Variants in ENOX2 observed in about 807,000 individuals in gnomAD.
ENOX2 encodes the protein ecto-NOX disulfide-thiol exchanger 2.
In ENOX2, 36 loss-of-function variants were observed where a neutral mutation model predicts 45.0. That is an observed-to-expected ratio of 0.80 (90% CI 0.61 to 1.06). The LOEUF (loss-of-function observed/expected upper bound fraction) is 1.06, where lower values mean the gene tolerates loss of function less well. ENOX2 is among the 50% of genes least tolerant of loss of function. The probability of loss-of-function intolerance (pLI) is 0.00; values close to 1 mark genes in which losing one functional copy is unlikely to be tolerated. For missense variants in ENOX2, 423 were observed against 462.5 expected (o/e 0.91, Z 0.78); for synonymous variants, 174 against 152.3 (o/e 1.14, Z -1.05).
chrX:130,776,800 C>A (rs1012035229), intron 3 of ENOX2, among the ~76,000 whole-genome samples: 1 of 111,597 alleles, frequency 9.0e-6, no homozygotes, highest in African/African-American at 3.3e-5. Context: ...TGTCCCTTAC[C>A]AAGTAATCAG....
chrX:130,845,685 G>A (rs899372497), intron 2 of ENOX2, among the ~76,000 whole-genome samples: 5 of 111,650 alleles, frequency 4.5e-5, no homozygotes, highest in Admixed American at 2.8e-4. Flanking sequence ...GGCTGGTCTC[G>A]AACTCCCGAC....
chrX:130,754,866 C>T (rs1461025390), intron 3 of ENOX2, among the ~76,000 whole-genome samples: 2 of 111,525 alleles, frequency 1.8e-5, no homozygotes, highest in Non-Finnish European at 3.8e-5. Context: ...ATGTAACAAA[C>T]CTGTACCTGT....
intron 11 of ENOX2, 79 bp downstream of exon 11, chrX:130,637,150 T>C: frequency 1.3e-6 from 1 of 786,675 alleles, no homozygotes. Context: ...GATATTCAAT[T>C]TGATTGCAGG....
chrX:130,875,392 A>G (rs1603376935), intron 2 of ENOX2, among the ~76,000 whole-genome samples: 2 of 111,407 alleles, frequency 1.8e-5, no homozygotes, highest in South Asian at 7.6e-4. Context: ...CTGAGATCAA[A>G]AGAGTGTGGT....
At chrX:130,755,015 T>C (rs181000139) in intron 3 of ENOX2, among the ~76,000 whole-genome samples, 367 of 112,175 alleles carry the variant, frequency 3.3e-3, no homozygotes, top group African/African-American at 0.011. Flanking sequence ...CTGCATCACA[T>C]AAAATATAGA....
intron 3 of ENOX2, among the ~76,000 whole-genome samples, chrX:130,773,519 C>T (rs919742013): frequency 3.6e-5 from 4 of 112,030 alleles, no homozygotes; most frequent in African/African-American, 9.7e-5. Context: ...TTGGTCATAG[C>T]GGTTGGCATA....
At chrX:130,750,357 G>A in intron 3 of ENOX2, among the ~76,000 whole-genome samples, 1 of 110,289 alleles carries the variant, frequency 9.1e-6, no homozygotes, top group South Asian at 4.0e-4. Context: ...CTCTGTCTCT[G>A]TGTTACCCAT....
chrX:130,880,662 G>T (rs2078793811), intron 2 of ENOX2, among the ~76,000 whole-genome samples: 1 of 111,976 alleles, frequency 8.9e-6, no homozygotes, highest in Non-Finnish European at 1.9e-5. Flanking sequence ...TAGTGAAAGG[G>T]ACTATGAGAG....
intron 4 of ENOX2, among the ~76,000 whole-genome samples, chrX:130,691,994 A>G (rs1312454651): frequency 2.6e-5 from 3 of 113,422 alleles, no homozygotes; most frequent in Non-Finnish European, 5.6e-5. Context: ...TTCATTGCAT[A>G]TGGCTAAAGC....
chrX:130,739,224 C>T (rs1290024885), intron 3 of ENOX2, among the ~76,000 whole-genome samples: 4 of 112,502 alleles, frequency 3.6e-5, no homozygotes, highest in Non-Finnish European at 7.5e-5. Context: ...TCTCCTGTGA[C>T]GGTGGGCAGT....
chrX:130,842,701 T>C lies in ENOX2; in HGVS notation c.-183+58983A>G, dbSNP rs201510755. On this transcript the variant is annotated intron_variant, in intron 2 of 14. Coordinates refer to ENST00000394363, the MANE Select transcript of ENOX2 (RefSeq NM_006375.4). ...TTATTCCTACTTTCTTGAAACTCTC[T>C]CTTCCCTTGCCTTCTGTGATACCCC... 2.7e-5 allele frequency among the ~76,000 whole-genome samples: 3 copies of C among 112,047 alleles called. No individual in the cohort carries two copies. The East Asian group carries it at 8.4e-4, about 31-fold the overall frequency.
intron 6 of ENOX2, among the ~76,000 whole-genome samples, chrX:130,676,389 T>C (rs1366820088): frequency 1.8e-5 from 2 of 111,615 alleles, no homozygotes; most frequent in East Asian, 5.6e-4. Flanking sequence ...AGGAGATTGC[T>C]AGCACTTGGG....
chrX:130,675,432 G>A (rs1325192914), intron 6 of ENOX2, among the ~76,000 whole-genome samples: 1 of 112,545 alleles, frequency 8.9e-6, no homozygotes, highest in East Asian at 2.8e-4. Context: ...TTTCTTGTTG[G>A]ATACAATGCA....
chrX:130,753,416 T>G (rs1249643648), intron 3 of ENOX2, among the ~76,000 whole-genome samples: 1 of 111,465 alleles, frequency 9.0e-6, no homozygotes, highest in Non-Finnish European at 1.9e-5. Flanking sequence ...ATTAACCAGT[T>G]GATCTCTATA....
At chrX:130,704,418 C>T (rs1007566414) in intron 3 of ENOX2, among the ~76,000 whole-genome samples, 6 of 111,686 alleles carry the variant, frequency 5.4e-5, no homozygotes, top group Admixed American at 9.5e-5. Flanking sequence ...TTTATAAGCA[C>T]GTACATGTAC....
Position 130,750,182 on chromosome X carries a change from T to C in ENOX2, c.-39+33365A>G, listed in dbSNP as rs1393219059. The stretch of plus-strand genomic sequence containing the variant: ...GTGTCCCTGTCTAGTTTTCAGTCTG[T>C]CTGTCTTTTGGTTGGTCTGCCTGGT... On this transcript the variant is annotated intron_variant, in intron 3 of 14. Coordinates refer to ENST00000394363, the MANE Select transcript of ENOX2 (RefSeq NM_006375.4). Among the ~76,000 whole-genome samples the C allele has an allele frequency of 2.2e-4, 25 of 111,989 alleles. No homozygotes were observed. In the Admixed American group the frequency reaches 2.3e-3, roughly 10 times the overall value.
chrX:130,736,553 CT>C (rs1393724993), intron 3 of ENOX2, among the ~76,000 whole-genome samples: 2 of 112,162 alleles, frequency 1.8e-5, no homozygotes, highest in Non-Finnish European at 3.8e-5. Context: ...TCACTTGTAA[CT>C]ACTCTGCCTT....
intron 2 of ENOX2, among the ~76,000 whole-genome samples, chrX:130,816,082 A>G (rs1171030338): frequency 9.0e-6 from 1 of 111,369 alleles, no homozygotes; most frequent in Non-Finnish European, 1.9e-5. Context: ...CAAAACAAAA[A>G]CAAACAAACA....
chrX:130,833,107 T>C (rs1202420390), intron 2 of ENOX2, among the ~76,000 whole-genome samples: 1 of 110,086 alleles, frequency 9.1e-6, no homozygotes, highest in African/African-American at 3.3e-5. Flanking sequence ...TACTAAACTT[T>C]CTTGAGTCTT....
Sources: allele counts gnomAD v4.1 joint callset (sites outside exome capture counted in the v4.1 genomes callset), GRCh38; gene constraint gnomAD v4.1.1; transcripts MANE v1.5; gene names NCBI Gene and HGNC (gene_info 2026-07-23, HGNC 2026-07-21).